Variants in KIAA0825 observed in about 807,000 individuals in gnomAD.
The protein encoded by KIAA0825 is uncharacterized protein KIAA0825.
Under a neutral mutation model 147.6 loss-of-function variants are expected in KIAA0825, and 119 were observed. The ratio of observed to expected loss-of-function variants is 0.81; its 90% CI spans 0.69 to 0.94. KIAA0825 has a LOEUF of 0.94. Ranked by LOEUF, KIAA0825 falls within the 40% of genes least tolerant of loss-of-function variation. The probability of loss-of-function intolerance (pLI) is 0.00; values close to 1 mark genes in which losing one functional copy is unlikely to be tolerated. For synonymous variants in KIAA0825, 470 were observed against 518.1 expected (o/e 0.91, Z 1.26); for missense variants, 1,381 against 1,472.7 (o/e 0.94, Z 1.02).
At chr5:94,518,791 C>G (rs562085083) in intron 5 of KIAA0825, among the ~76,000 whole-genome samples, 1 of 152,238 alleles carries the variant, frequency 6.6e-6, no homozygotes, top group Non-Finnish European at 1.5e-5. Context: ...AGAGGACACA[C>G]ATACTTTTCT....
chr5:94,292,846 GTA>G (rs1777961577), intron 20 of KIAA0825, among the ~76,000 whole-genome samples: 1 of 152,110 alleles, frequency 6.6e-6, no homozygotes, highest in African/African-American at 2.4e-5. Flanking sequence ...TTGGGATGGT[GTA>G]TGTGTCCAGG....
chr5:94,466,574 T>C (rs1387179872), intron 10 of KIAA0825, among the ~76,000 whole-genome samples: 1 of 151,506 alleles, frequency 6.6e-6, no homozygotes, highest in South Asian at 2.1e-4. Flanking sequence ...CCATCTCTAC[T>C]AAAAATACAA....
intron 20 of KIAA0825, among the ~76,000 whole-genome samples, chr5:94,231,631 C>G (rs1327328549): frequency 6.6e-6 from 1 of 151,988 alleles, no homozygotes; most frequent in Non-Finnish European, 1.5e-5. Context: ...AAAATTGTTG[C>G]TGATCTTTGG....
rs2302790 is a variant in KIAA0825, at chr5:94,462,307, A to C, written c.2246+80T>G. 300 of 760,740 alleles carry C rather than the reference A, an allele frequency of 3.9e-4. 6 individuals carry two copies. The East Asian group carries it at 7.9e-3, about 20-fold the overall frequency. 47.1% of individuals were successfully genotyped at this position (760,740 alleles called of 1,614,324 possible). On this transcript the variant is annotated intron_variant, in intron 12 of 20. Transcript: ENST00000682413. Reference sequence around the variant, plus strand: ...AGATTTCTACTTGTAACTTCACATAATTCCATAAGTGTTATGAAAATAACT... The same window carrying C: ...AGATTTCTACTTGTAACTTCACATACTTCCATAAGTGTTATGAAAATAACT...
At chr5:94,481,389 G>A (rs1442028742) in intron 6 of KIAA0825, among the ~76,000 whole-genome samples, 2 of 152,092 alleles carry the variant, frequency 1.3e-5, no homozygotes, top group Non-Finnish European at 2.9e-5. Context: ...CCCATTGTAT[G>A]CACTACAAAG....
intron 20 of KIAA0825, among the ~76,000 whole-genome samples, chr5:94,341,522 G>C (rs1782378758): frequency 6.6e-6 from 1 of 152,194 alleles, no homozygotes; most frequent in African/African-American, 2.4e-5. Flanking sequence ...GAGGGTTCGA[G>C]GTAGGATGGA....
chr5:94,552,300 A>T (rs913530209), intron 2 of KIAA0825, among the ~76,000 whole-genome samples: 1 of 152,194 alleles, frequency 6.6e-6, no homozygotes, highest in Non-Finnish European at 1.5e-5. Context: ...GGAGACACAG[A>T]CTGCAATGCA....
At chr5:94,537,175 G>C in intron 2 of KIAA0825, 48 bp from the exon 3 acceptor site, 1 of 1,513,224 alleles carries the variant, frequency 6.6e-7, no homozygotes, top group Non-Finnish European at 9.0e-7. Flanking sequence ...CCCCACAATG[G>C]CCAGGGATAG....
At chr5:94,354,427 A>G (rs1439868548) in intron 20 of KIAA0825, among the ~76,000 whole-genome samples, 1 of 152,146 alleles carries the variant, frequency 6.6e-6, no homozygotes, top group African/African-American at 2.4e-5. Context: ...GGCAAAACAG[A>G]GATTGACAAG....
At chr5:94,386,978 G>C (rs1264277367) in intron 18 of KIAA0825, among the ~76,000 whole-genome samples, 1 of 152,026 alleles carries the variant, frequency 6.6e-6, no homozygotes, top group Non-Finnish European at 1.5e-5. Flanking sequence ...TCCCCCAACT[G>C]CCAGTGCAGG....
At chr5:94,207,293 C>A (rs1772295364) in intron 20 of KIAA0825, among the ~76,000 whole-genome samples, 1 of 152,048 alleles carries the variant, frequency 6.6e-6, no homozygotes, top group South Asian at 2.1e-4. Flanking sequence ...TTTTTTATAC[C>A]AGTTCTAAAA....
At chr5:94,315,989 A>G (rs1779622546) in intron 20 of KIAA0825, among the ~76,000 whole-genome samples, 1 of 151,796 alleles carries the variant, frequency 6.6e-6, no homozygotes, top group East Asian at 1.9e-4. Context: ...CAATAATAAA[A>G]TCAAGCAAAT....
At chr5:94,378,512 G>A (rs1747907396) in intron 20 of KIAA0825, among the ~76,000 whole-genome samples, 1 of 146,630 alleles carries the variant, frequency 6.8e-6, no homozygotes, top group South Asian at 2.1e-4. Flanking sequence ...CCATTGATGA[G>A]CATTTAGGTT....
chr5:94,544,500 C>T (rs987971465), intron 2 of KIAA0825, among the ~76,000 whole-genome samples: 1 of 152,150 alleles, frequency 6.6e-6, no homozygotes, highest in Admixed American at 6.5e-5. Flanking sequence ...TCCTCTTTTG[C>T]ATGTTGTAGA....
chr5:94,494,735 G>A (rs906281536), intron 5 of KIAA0825, among the ~76,000 whole-genome samples: 1 of 151,862 alleles, frequency 6.6e-6, no homozygotes, highest in Non-Finnish European at 1.5e-5. Context: ...TTACTTTCTC[G>A]CATCATGACC....
At chr5:94,562,280 C>T (rs1402212128) in intron 2 of KIAA0825, among the ~76,000 whole-genome samples, 1 of 152,078 alleles carries the variant, frequency 6.6e-6, no homozygotes, top group Non-Finnish European at 1.5e-5. Context: ...TATGAAATAA[C>T]TTGAAAATCT....
chr5:94,538,816 T>C lies in KIAA0825; in HGVS notation c.-1-1689A>G, dbSNP rs145451652. On this transcript the variant is annotated intron_variant, in intron 2 of 20. Coordinates refer to ENST00000682413, the MANE Select transcript of KIAA0825 (RefSeq NM_001145678.3). ...ACGCTACATGAGTGAATGCTGTGTA[T>C]CTATCAGTGGGTATCTCCTTAGGAT... 2.0e-5 allele frequency among the ~76,000 whole-genome samples: 3 copies of C among 152,320 alleles called. No homozygotes were observed. In the East Asian group the frequency reaches 5.8e-4, roughly 29 times the overall value.
At chr5:94,324,742 G>C (rs947569825) in intron 20 of KIAA0825, among the ~76,000 whole-genome samples, 3 of 151,832 alleles carry the variant, frequency 2.0e-5, no homozygotes, top group Non-Finnish European at 2.9e-5. Flanking sequence ...AAGAAAATGA[G>C]ACAAGGTCAC....
chr5:94,400,960 A>G (rs563290424), intron 16 of KIAA0825, among the ~76,000 whole-genome samples: 10 of 152,180 alleles, frequency 6.6e-5, no homozygotes, highest in African/African-American at 7.2e-5. Context: ...GGTAATGACT[A>G]TTTGTCTTTT....
Sources: allele counts gnomAD v4.1 joint callset (sites outside exome capture counted in the v4.1 genomes callset), GRCh38; gene constraint gnomAD v4.1.1; transcripts MANE v1.5; gene names NCBI Gene and HGNC (gene_info 2026-07-23, HGNC 2026-07-21).